ILDR1: variants seen among roughly 807,000 people sequenced by gnomAD.
ILDR1 encodes the protein immunoglobulin-like domain-containing receptor 1.
A neutral mutation model predicts 62.4 loss-of-function variants in ILDR1; 56 were observed. That is an observed-to-expected ratio of 0.90 (90% confidence interval 0.72 to 1.12). The LOEUF is 1.12. Ranked by LOEUF, ILDR1 falls within the 50% of genes most tolerant of loss-of-function variation. The pLI is 0.00. For synonymous variants in ILDR1, 284 were observed against 277.8 expected, an observed-to-expected ratio of 1.02 and a Z score of -0.22; for missense variants, 736 against 710.6, an observed-to-expected ratio of 1.04 and a Z score of -0.41.
the ILDR1 span, among the ~76,000 whole-genome samples, chr3:122,051,449 T>C: frequency 1.3e-5 from 2 of 152,084 alleles, no homozygotes; most frequent in Non-Finnish European, 2.9e-5. Flanking sequence ...TCAGTTAAAA[T>C]TGCATTCTTT....
the ILDR1 span, among the ~76,000 whole-genome samples, chr3:122,042,968 T>C: frequency 2.7e-5 from 4 of 149,998 alleles, no homozygotes; most frequent in Non-Finnish European, 5.9e-5. Flanking sequence ...GCTTTTGGTG[T>C]TTTGGACATG....
At chr3:121,998,818 G>C (rs1441951669) in intron 5 of ILDR1, among the ~76,000 whole-genome samples, 1 of 152,016 alleles carries the variant, frequency 6.6e-6, no homozygotes, top group East Asian at 1.9e-4. Context: ...CCCCTCCTAC[G>C]GTGTCTTAGC....
intron 1 of ILDR1, 117 bp from the exon 2 acceptor site, chr3:122,007,278 T>A: frequency 6.4e-7 from 1 of 1,556,432 alleles, no homozygotes; most frequent in South Asian, 1.2e-5. Flanking sequence ...GGCTAGGAGC[T>A]CACAGACAGA....
At chr3:122,047,689 G>A in the ILDR1 span, among the ~76,000 whole-genome samples, 7,499 of 152,218 alleles carry the variant, frequency 0.049, 424 homozygotes, top group African/African-American at 0.14. Context: ...AGGTGCGTCT[G>A]TCACCCCTTT....
upstream of ILDR1, chr3:122,025,055 C>A (rs1390975646): frequency 1.1e-4 from 17 of 152,226 alleles, 1 homozygote; most frequent in Admixed American, 8.5e-4. Context: ...TGGCTCAGAA[C>A]AACAGCAGTT....
chr3:122,008,710 C>T (rs2071655678), intron 1 of ILDR1, among the ~76,000 whole-genome samples: 1 of 151,546 alleles, frequency 6.6e-6, no homozygotes, highest in Non-Finnish European at 1.5e-5. Flanking sequence ...TCTCCTGCCT[C>T]AGCCTCCCAA....
At chr3:122,015,792 T>G (rs1355272985) in intron 1 of ILDR1, among the ~76,000 whole-genome samples, 3 of 152,222 alleles carry the variant, frequency 2.0e-5, no homozygotes, top group South Asian at 4.1e-4. Flanking sequence ...GGCTTATTTA[T>G]CGCCGAAATA....
chr3:122,051,559 A>G, the ILDR1 span, among the ~76,000 whole-genome samples: 1 of 152,192 alleles, frequency 6.6e-6, no homozygotes, highest in Non-Finnish European at 1.5e-5. Flanking sequence ...GAGCATCAAT[A>G]TGATGGTTAT....
chr3:122,059,393 C>T, the ILDR1 span, among the ~76,000 whole-genome samples: 1 of 151,902 alleles, frequency 6.6e-6, no homozygotes, highest in Admixed American at 6.6e-5. Context: ...AAAGTGGTGT[C>T]ATAGAAATCA....
In ILDR1 at chr3:121,988,261, CTGTT is replaced by C; in HGVS notation, c.*102_*105del. On this transcript the variant is annotated 3_prime_UTR_variant, in exon 8 of 8. Coordinates refer to ENST00000344209, the MANE Select transcript of ILDR1 (RefSeq NM_001199799.2). The stretch of plus-strand genomic sequence containing the variant: ...TGATTCTCAGAATCTAAGCCAAAAA[CTGTT>C]AGACTCAGACTTGCAGTTCCCAAGT... 1 of 916,870 alleles carries C rather than the reference CTGTT, an allele frequency of 1.1e-6. No homozygotes were observed. The highest frequency in any genetic ancestry group is 1.8e-6 in the Non-Finnish European group (1 of 547,346). The allele number at this position is 916,870 out of a possible 1,614,324, so 56.8% of individuals were successfully genotyped here. A position where few individuals can be genotyped will look rare whatever the true frequency, so the allele number is the denominator to read the frequency against.
the ILDR1 span, among the ~76,000 whole-genome samples, chr3:122,035,250 GA>G: frequency 1.6e-4 from 25 of 151,614 alleles, no homozygotes; most frequent in Admixed American, 2.0e-4. Flanking sequence ...AGGAAAACAA[GA>G]AAAAAAAGTT....
chr3:122,043,320 C>T, the ILDR1 span, among the ~76,000 whole-genome samples: 4 of 150,940 alleles, frequency 2.7e-5, no homozygotes, highest in East Asian at 7.8e-4. Context: ...TTACTGTAGC[C>T]TTGTAGTATA....
At chr3:122,037,034 G>GT in the ILDR1 span, among the ~76,000 whole-genome samples, 3 of 152,238 alleles carry the variant, frequency 2.0e-5, no homozygotes, top group Non-Finnish European at 2.9e-5. Flanking sequence ...AAGAGCTGAG[G>GT]TTTTAAAACT....
In ILDR1 at chr3:122,022,049, C is replaced by A. The variant is rs780269264; in HGVS notation, c.29G>T (p.Trp10Leu). The part of the protein sequence containing the change: MAWPKLPAP[W>L]LLLCTWLPAG... Reference sequence around the variant, plus strand: ...TGGGAGCCAGGTGCAGAGCAGCAGCCAAGGTGCGGGCAGTTTGGGCCATGC... The same window carrying A: ...TGGGAGCCAGGTGCAGAGCAGCAGCAAAGGTGCGGGCAGTTTGGGCCATGC... The change falls in exon 1 of 8, where the codon TGG (tryptophan) becomes TTG (leucine). Residue 10 changes from tryptophan (W) to leucine (L), a missense_variant. Coordinates refer to ENST00000344209, the MANE Select transcript of ILDR1 (RefSeq NM_001199799.2). 6.2e-7 allele frequency: 1 copy of A among 1,611,662 alleles called. No homozygotes were observed. The highest frequency in any genetic ancestry group is 8.5e-7 in the Non-Finnish European group (1 of 1,179,010).
the ILDR1 span, among the ~76,000 whole-genome samples, chr3:122,035,547 A>T: frequency 6.6e-6 from 1 of 152,166 alleles, no homozygotes; most frequent in Non-Finnish European, 1.5e-5. Context: ...GTGGGGGCAG[A>T]TTTCCTCCTT....
intron 1 of ILDR1, among the ~76,000 whole-genome samples, chr3:122,012,933 T>C (rs983106115): frequency 1.3e-5 from 2 of 152,186 alleles, no homozygotes; most frequent in African/African-American, 4.8e-5. Flanking sequence ...CTTGCCAGGC[T>C]CTGTGAAAGA....
intron 7 of ILDR1, among the ~76,000 whole-genome samples, chr3:121,991,488 C>G (rs1217264075): frequency 6.6e-6 from 1 of 152,174 alleles, no homozygotes; most frequent in Admixed American, 6.5e-5. Flanking sequence ...AATTTTCTTA[C>G]TGGTAACACG....
chr3:122,059,136 G>C, the ILDR1 span, among the ~76,000 whole-genome samples: 2 of 152,130 alleles, frequency 1.3e-5, no homozygotes, highest in South Asian at 2.1e-4. Context: ...AAGCAGACAA[G>C]TAGATATTTA....
the ILDR1 span, among the ~76,000 whole-genome samples, chr3:122,051,995 C>T: frequency 6.6e-6 from 1 of 152,134 alleles, no homozygotes; most frequent in African/African-American, 2.4e-5. Context: ...AGCACACTGT[C>T]CAGCTCTTTT....
Sources: gnomAD v4.1 joint callset for allele counts (sites outside exome capture counted in the v4.1 genomes callset) on GRCh38, gnomAD v4.1.1 for gene constraint, MANE v1.5 for transcripts, NCBI Gene and HGNC (gene_info 2026-07-23, HGNC 2026-07-21) for gene names.